TOX: variants seen among roughly 807,000 people sequenced by gnomAD.
The protein encoded by TOX is thymocyte selection associated high mobility group box.
TOX carries 11 observed loss-of-function variants against 53.7 expected under a neutral mutation model. The ratio of observed to expected loss-of-function variants is 0.20; its 90% CI spans 0.13 to 0.34. The LOEUF is 0.34. Ranked by LOEUF, TOX falls within the 10% of genes least tolerant of loss-of-function variation. The pLI is 1.00. For missense variants in TOX, 570 were observed against 664.6 expected (o/e 0.86, Z 1.56); for synonymous variants, 225 against 245.3 (o/e 0.92, Z 0.77).
Position 58,826,880 on chromosome 8 carries a change from G to A in TOX, c.947C>T (p.Ala316Val), listed in dbSNP as rs2129165848. The A allele has an allele frequency of 6.2e-7, 1 of 1,611,814 alleles. No homozygotes were observed. The highest frequency in any genetic ancestry group is 8.5e-7 in the Non-Finnish European group (1 of 1,179,078). The change falls in exon 6 of 9, where the codon GCT becomes GTT. Residue 316 changes from alanine to valine, a missense_variant. Transcript: ENST00000361421. The stretch of plus-strand genomic sequence containing the variant: ...TTGCTTCAGGTACTCCTTCTTCGCA[G>A]CCTCGGTTTTCTTTTTATAGACCTG... Reference protein sequence around the residue: ...QKQVYKKKTEAAKKEYLKQLA... With the variant: ...QKQVYKKKTEVAKKEYLKQLA...
chr8:58,824,584 C>T (rs1230264672), intron 6 of TOX, among the ~76,000 whole-genome samples: 1 of 152,212 alleles, frequency 6.6e-6, no homozygotes, highest in African/African-American at 2.4e-5. Context: ...GTTCTACAAG[C>T]TCCTGTCTTC....
intron 1 of TOX, among the ~76,000 whole-genome samples, chr8:59,026,507 T>G (rs1183742799): frequency 1.3e-5 from 2 of 152,194 alleles, no homozygotes; most frequent in African/African-American, 4.8e-5. Flanking sequence ...CTATAGACTC[T>G]CCAAGGATTT....
chr8:59,111,861 T>A (rs1396600755), intron 1 of TOX, among the ~76,000 whole-genome samples: 1 of 152,042 alleles, frequency 6.6e-6, no homozygotes, highest in Non-Finnish European at 1.5e-5. Context: ...AATTCAGGAA[T>A]GAAAAACGAT....
At chr8:59,047,391 T>A (rs1803710080) in intron 1 of TOX, among the ~76,000 whole-genome samples, 1 of 147,236 alleles carries the variant, frequency 6.8e-6, no homozygotes, top group Non-Finnish European at 1.5e-5. Context: ...TAATTTTTTT[T>A]TTATTTTTTT....
intron 1 of TOX, among the ~76,000 whole-genome samples, chr8:59,058,085 A>G (rs1470183120): frequency 6.6e-6 from 1 of 152,222 alleles, no homozygotes; most frequent in Non-Finnish European, 1.5e-5. Context: ...ACAATGGTTT[A>G]CTTATTATTT....
At position 58,806,022 on chromosome 8, in the gene TOX, A is replaced by G. The variant is rs34463465; in HGVS notation, c.*1725T>C. ...ACATCAGCCATTCTCTTGGTTTCCA[A>G]CCAGACTAACTTTCTTGATATGATC... On this transcript the variant is annotated 3_prime_UTR_variant, in exon 9 of 9. Coordinates refer to ENST00000361421, the MANE Select transcript of TOX (RefSeq NM_014729.3). 1 of 152,632 alleles carries G rather than the reference A, an allele frequency of 6.6e-6. No individual in the cohort carries two copies. The highest frequency in any genetic ancestry group is 1.5e-5 in the Non-Finnish European group (1 of 68,040). The allele number at this position is 152,632 out of a possible 1,614,324, so 9.5% of individuals were successfully genotyped here. A position where few individuals can be genotyped will look rare whatever the true frequency, so the allele number is the denominator to read the frequency against.
rs1585860166 is a variant in TOX at position 58,851,399 on chromosome 8, A to G, written c.693+125T>C. 9.1e-7 allele frequency: 1 copy of G among 1,103,990 alleles called. No individual in the cohort carries two copies. Among genetic ancestry groups the G allele is most frequent in the East Asian group, 2.5e-5 (1 of 39,904 alleles). 68.4% of individuals were successfully genotyped at this position (1,103,990 alleles called of 1,614,324 possible). ...CAGTATGTTTGTAACCTCATGCTTC[A>G]TTAACAAAGCAGGTGTCTCCCTCCA... On this transcript the variant is annotated intron_variant, in intron 4 of 8. Transcript: ENST00000361421. The surrounding 1 kb of genome is among the most constrained non-coding windows in gnomAD (Gnocchi z 4.4).
intron 1 of TOX, among the ~76,000 whole-genome samples, chr8:59,108,501 G>A (rs1246844267): frequency 1.3e-5 from 2 of 152,106 alleles, no homozygotes; most frequent in Non-Finnish European, 2.9e-5. Flanking sequence ...TATATTTAAA[G>A]CATGACAAAT....
intron 1 of TOX, among the ~76,000 whole-genome samples, chr8:59,081,714 A>T (rs1804411052): frequency 6.6e-6 from 1 of 152,206 alleles, no homozygotes; most frequent in African/African-American, 2.4e-5. Flanking sequence ...AGGCAGGATG[A>T]AGCACTAGCC....
At chr8:58,834,626 T>A (rs1444080925) in intron 5 of TOX, among the ~76,000 whole-genome samples, 1 of 152,226 alleles carries the variant, frequency 6.6e-6, no homozygotes, top group African/African-American at 2.4e-5. Context: ...TGCCCAAATG[T>A]GCATTTCAGG....
chr8:59,047,759 G>C (rs995650534), intron 1 of TOX, among the ~76,000 whole-genome samples: 7 of 152,052 alleles, frequency 4.6e-5, no homozygotes, highest in Admixed American at 2.0e-4. Context: ...AAAGACAGAA[G>C]GGGCTTAAAA....
chr8:59,096,748 T>G (rs1038107343), intron 1 of TOX, among the ~76,000 whole-genome samples: 6 of 152,046 alleles, frequency 3.9e-5, no homozygotes, highest in Admixed American at 2.6e-4. Context: ...CAGGAGCAAG[T>G]GTGGGGGAAG....
At position 58,963,636 on chromosome 8, in the gene TOX, C is replaced by T. The variant is rs1225264484; in HGVS notation, c.103-3628G>A. ...TCATCCCACCCACATAATCACACCT[C>T]TTTGTCCAGAATGCCTTCCTTCCCT... On this transcript the variant is annotated intron_variant, in intron 1 of 8. Transcript: ENST00000361421. Among the ~76,000 whole-genome samples, 3 of 152,214 alleles carry T rather than the reference C, an allele frequency of 2.0e-5. No homozygotes were observed. The East Asian group carries it at 5.8e-4, about 29-fold the overall frequency.
chr8:58,863,117 C>CA (rs2129169287), intron 3 of TOX, among the ~76,000 whole-genome samples: 1 of 152,194 alleles, frequency 6.6e-6, no homozygotes. Flanking sequence ...CATAATCCTG[C>CA]ATGATTATAG....
intron 3 of TOX, among the ~76,000 whole-genome samples, chr8:58,871,200 C>T (rs1215775731): frequency 1.3e-5 from 2 of 149,820 alleles, no homozygotes; most frequent in African/African-American, 4.9e-5. Flanking sequence ...AAGCTACATC[C>T]CATTTGCTTC....
At position 59,110,661 on chromosome 8, in the gene TOX, C is replaced by G. The variant is rs78035043; in HGVS notation, c.102+8225G>C. 7.0e-3 allele frequency among the ~76,000 whole-genome samples: 1,062 copies of G among 152,074 alleles called. 16 individuals are homozygous for G. The highest frequency in any genetic ancestry group is 0.024 in the African/African-American group (1,005 of 41,468). ...ACTTTTATCTTCTTACAGTGCAAAA[C>G]AGACAACAGCCCTCATAATAGCATC... On this transcript the variant is annotated intron_variant, in intron 1 of 8. Transcript: ENST00000361421.
intron 1 of TOX, among the ~76,000 whole-genome samples, chr8:58,981,189 T>G (rs1813199661): frequency 6.6e-6 from 1 of 152,190 alleles, no homozygotes; most frequent in Middle Eastern, 3.2e-3. Context: ...TTGCAAAATT[T>G]CTGGCTCTGA....
intron 1 of TOX, among the ~76,000 whole-genome samples, chr8:58,963,746 G>A (rs1209338723): frequency 6.6e-6 from 1 of 152,148 alleles, no homozygotes; most frequent in Non-Finnish European, 1.5e-5. Flanking sequence ...CCCCTAGGCA[G>A]CCCTCTGTTT....
chr8:58,851,919 T>C lies in TOX; in HGVS notation c.412-114A>G. 1 of 970,528 alleles carries C rather than the reference T, an allele frequency of 1.0e-6. No homozygotes were observed. Among genetic ancestry groups the C allele is most frequent in the Non-Finnish European group, 1.3e-6 (1 of 759,322 alleles). 60.1% of individuals were successfully genotyped at this position (970,528 alleles called of 1,614,324 possible). A position where few individuals can be genotyped will look rare whatever the true frequency, so the allele number is the denominator to read the frequency against. ...TAATTCTTTAGATTTCCAGATGTTC[T>C]GCTGAGTTACATACACATTTATTTT... is the stretch of plus-strand genomic sequence containing the variant. On this transcript the variant is annotated intron_variant, in intron 3 of 8. Transcript: ENST00000361421. The surrounding 1 kb of genome is among the most constrained non-coding windows in gnomAD (Gnocchi z 4.4).
Sources: allele counts gnomAD v4.1 joint callset (sites outside exome capture counted in the v4.1 genomes callset), GRCh38; gene constraint gnomAD v4.1.1; non-coding constraint Gnocchi (gnomAD v3.1); transcripts MANE v1.5; gene names NCBI Gene and HGNC (gene_info 2026-07-23, HGNC 2026-07-21).